RNF150: variants seen among roughly 807,000 people sequenced by gnomAD.
The protein encoded by RNF150 is ring finger protein 150.
Under a neutral mutation model 39.3 loss-of-function variants are expected in RNF150, and 24 were observed. The ratio of observed to expected loss-of-function variants is 0.61; its 90% CI spans 0.44 to 0.86. The LOEUF is 0.86. Ranked by LOEUF, RNF150 falls within the 40% of genes least tolerant of loss-of-function variation. The pLI is 0.00. For synonymous variants in RNF150, 255 were observed against 227.3 expected, an observed-to-expected ratio of 1.12 and a Z score of -1.10; for missense variants, 502 against 587.8, an observed-to-expected ratio of 0.85 and a Z score of 1.51.
At chr4:141,192,755 C>T (rs986410559) in intron 1 of RNF150, among the ~76,000 whole-genome samples, 3 of 152,200 alleles carry the variant, frequency 2.0e-5, no homozygotes, top group African/African-American at 7.2e-5. Flanking sequence ...GCTTGCCAAC[C>T]TAATGCTCTT....
chr4:140,875,056 T>C (rs1022766178), intron 6 of RNF150, among the ~76,000 whole-genome samples: 26 of 151,932 alleles, frequency 1.7e-4, no homozygotes, highest in Admixed American at 4.6e-4. Context: ...AAACCAAGGC[T>C]CAAAAAGGTT....
At chr4:140,880,592 T>G (rs980756518) in intron 6 of RNF150, among the ~76,000 whole-genome samples, 24 of 152,044 alleles carry the variant, frequency 1.6e-4, no homozygotes, top group African/African-American at 5.8e-4. Context: ...CATAAATTCT[T>G]TTTTAAATGT....
At chr4:141,183,237 A>C (rs1260061900) in intron 1 of RNF150, among the ~76,000 whole-genome samples, 1 of 152,136 alleles carries the variant, frequency 6.6e-6, no homozygotes. Context: ...TGTGGAGGAC[A>C]CTTCATAAGC....
intron 1 of RNF150, among the ~76,000 whole-genome samples, chr4:140,984,879 G>T (rs1169544301): frequency 6.6e-6 from 1 of 152,058 alleles, no homozygotes; most frequent in East Asian, 1.9e-4. Context: ...CTCCCCAGTG[G>T]CATTAAGCTT....
At chr4:141,017,272 ATTTTAGT>A (rs1035902879) in intron 1 of RNF150, among the ~76,000 whole-genome samples, 6 of 152,124 alleles carry the variant, frequency 3.9e-5, no homozygotes, top group Non-Finnish European at 7.4e-5. Context: ...TACCACTATT[ATTTTAGT>A]CACAGGCTTA....
chr4:141,191,832 T>C (rs1728113816), intron 1 of RNF150, among the ~76,000 whole-genome samples: 5 of 152,218 alleles, frequency 3.3e-5, no homozygotes, highest in Admixed American at 2.0e-4. Context: ...GGTCATCTTA[T>C]AGGTGTGTGC....
chr4:141,078,809 AT>A (rs370616713), intron 1 of RNF150, among the ~76,000 whole-genome samples: 7,811 of 55,606 alleles, frequency 0.14, 911 homozygotes, highest in African/African-American at 0.33. Flanking sequence ...AAAAAAAAAA[AT>A]ATATATATAT....
intron 1 of RNF150, among the ~76,000 whole-genome samples, chr4:141,050,823 C>T (rs1405421581): frequency 6.6e-6 from 1 of 152,150 alleles, no homozygotes; most frequent in African/African-American, 2.4e-5. Context: ...GTGCATCTAC[C>T]ATTCTCAGGT....
chr4:140,884,658 G>A (rs578212495), intron 6 of RNF150, among the ~76,000 whole-genome samples: 2 of 152,232 alleles, frequency 1.3e-5, no homozygotes, highest in South Asian at 2.1e-4. Flanking sequence ...TTTGAGACAC[G>A]TGCTCAACCA....
intron 6 of RNF150, among the ~76,000 whole-genome samples, chr4:140,883,546 T>C (rs950963135): frequency 2.6e-5 from 4 of 152,212 alleles, no homozygotes; most frequent in Non-Finnish European, 1.5e-5. Context: ...TTTCAGTATA[T>C]AGTATTTTTG....
chr4:141,082,118 T>A (rs182171080), intron 1 of RNF150, among the ~76,000 whole-genome samples: 2 of 152,304 alleles, frequency 1.3e-5, no homozygotes, highest in East Asian at 3.9e-4. Context: ...TGCAGTGCAA[T>A]AATTTGAGCT....
intron 1 of RNF150, among the ~76,000 whole-genome samples, chr4:140,997,320 C>T (rs1366701125): frequency 1.3e-5 from 2 of 152,028 alleles, no homozygotes; most frequent in African/African-American, 2.4e-5. Context: ...TTTTATAAAG[C>T]GTAAAATATA....
intron 1 of RNF150, among the ~76,000 whole-genome samples, chr4:141,036,533 C>T (rs1736154353): frequency 6.6e-6 from 1 of 152,152 alleles, no homozygotes; most frequent in Non-Finnish European, 1.5e-5. Context: ...AACGACTCCA[C>T]ATTCAGAATT....
intron 1 of RNF150, among the ~76,000 whole-genome samples, chr4:141,129,057 T>G (rs1560752216): frequency 1.3e-5 from 2 of 152,298 alleles, no homozygotes; most frequent in Non-Finnish European, 2.9e-5. Context: ...GAAAACAGTC[T>G]AGAAGGTCCT....
At chr4:140,920,324 C>T (rs200482621) in intron 5 of RNF150, among the ~76,000 whole-genome samples, 1 of 119,112 alleles carries the variant, frequency 8.4e-6, no homozygotes, top group South Asian at 3.4e-4. Context: ...CTACAATGAA[C>T]TCAAACAAAT....
chr4:141,138,716 A>T (rs1348761553), intron 1 of RNF150, among the ~76,000 whole-genome samples: 1 of 152,180 alleles, frequency 6.6e-6, no homozygotes, highest in Non-Finnish European at 1.5e-5. Context: ...CAGGCCTGCC[A>T]CATGGGCAAT....
chr4:141,057,350 AT>A (rs1247940405), intron 1 of RNF150, among the ~76,000 whole-genome samples: 1 of 151,978 alleles, frequency 6.6e-6, no homozygotes, highest in African/African-American at 2.4e-5. Context: ...ACAATTTAAA[AT>A]TTTTTAGGTA....
chr4:140,908,139 TA>T (rs1256081202), intron 6 of RNF150, among the ~76,000 whole-genome samples: 4 of 152,238 alleles, frequency 2.6e-5, no homozygotes, highest in African/African-American at 9.6e-5. Context: ...TAGAGTTGAG[TA>T]TAATAATGTT....
chr4:141,174,254 G>A (rs1444325712), intron 1 of RNF150, among the ~76,000 whole-genome samples: 1 of 152,128 alleles, frequency 6.6e-6, no homozygotes, highest in African/African-American at 2.4e-5. Context: ...CAGCTAGTTT[G>A]TACTGTTTGA....
Sources: gnomAD v4.1 joint callset for allele counts (sites outside exome capture counted in the v4.1 genomes callset) on GRCh38, gnomAD v4.1.1 for gene constraint, MANE v1.5 for transcripts, NCBI Gene and HGNC (gene_info 2026-07-23, HGNC 2026-07-21) for gene names.